CMTM4: variants seen among roughly 807,000 people sequenced by gnomAD.
CMTM4 encodes CKLF-like MARVEL transmembrane domain-containing protein 4.
A neutral mutation model predicts 19.0 loss-of-function variants in CMTM4; 8 were observed. The observed-to-expected ratio is 0.42, with a 90% CI of 0.25 to 0.76. CMTM4 has a LOEUF of 0.76. Among genes scored for constraint, CMTM4 ranks in the 30% least tolerant of loss-of-function variants. The pLI is 0.27. For missense variants in CMTM4, 228 were observed against 290.2 expected, an observed-to-expected ratio of 0.79 and a Z score of 1.56; for synonymous variants, 106 against 121.1, an observed-to-expected ratio of 0.88 and a Z score of 0.82.
Position 66,618,607 on chromosome 16 carries a change from G to A in CMTM4, c.*3451C>T. On this transcript the variant is annotated 3_prime_UTR_variant, in exon 4 of 4. Transcript: ENST00000394106. ...CATGGCACCCACTAGGGTTGTTCAG[G>A]TCTCATTCACTGCAAGCAAGAATTC... 1 of 985,484 alleles carries A rather than the reference G, an allele frequency of 1.0e-6. No homozygotes were observed. The highest frequency in any genetic ancestry group is 1.2e-6 in the Non-Finnish European group (1 of 829,952). 61.0% of individuals were successfully genotyped at this position (985,484 alleles called of 1,614,324 possible).
rs1423778897 is a variant in CMTM4, at chr16:66,621,640, G to A, written c.*418C>T. On this transcript the variant is annotated 3_prime_UTR_variant, in exon 4 of 4. Coordinates refer to ENST00000394106, the MANE Select transcript of CMTM4 (RefSeq NM_181521.3). ...CAGACTCAACACTGACTTGGAGCAG[G>A]TGGTGCCTAAGGCTGCCTGAGAACC... 5.0e-6 allele frequency: 5 copies of A among 1,005,578 alleles called. No homozygotes were observed. Among genetic ancestry groups the A allele is most frequent in the Non-Finnish European group, 3.6e-6 (3 of 840,734 alleles). The allele number at this position is 1,005,578 out of a possible 1,614,324, so 62.3% of individuals were successfully genotyped here.
intron 2 of CMTM4, among the ~76,000 whole-genome samples, chr16:66,626,687 G>A (rs910685682): frequency 3.3e-5 from 5 of 151,058 alleles, no homozygotes; most frequent in African/African-American, 7.3e-5. Flanking sequence ...GAAGAACTGC[G>A]TGAATCCAGG....
At chr16:66,687,170 A>G (rs1230423662) in intron 1 of CMTM4, among the ~76,000 whole-genome samples, 3 of 140,984 alleles carry the variant, frequency 2.1e-5, no homozygotes, top group Non-Finnish European at 4.6e-5. Context: ...AGAAAAGTGC[A>G]TTTTAAAACA....
At chr16:66,674,311 G>A (rs549011831) in intron 1 of CMTM4, among the ~76,000 whole-genome samples, 28 of 152,254 alleles carry the variant, frequency 1.8e-4, no homozygotes, top group African/African-American at 6.7e-4. Context: ...TGGCTTACTA[G>A]TGAGTCCTGC....
the CMTM4 span, chr16:66,608,478 C>G: frequency 6.2e-7 from 1 of 1,612,816 alleles, no homozygotes; most frequent in East Asian, 2.2e-5. The surrounding 1 kb of genome is among the most constrained non-coding windows in gnomAD (Gnocchi z 5.1). Flanking sequence ...AGGACAGGGG[C>G]CCCAGGAGGG....
At chr16:66,628,590 T>C (rs1567406015) in intron 2 of CMTM4, among the ~76,000 whole-genome samples, 1 of 152,200 alleles carries the variant, frequency 6.6e-6, no homozygotes, top group African/African-American at 2.4e-5. Context: ...GAGCTCAAGG[T>C]TGGGGCAAAG....
chr16:66,617,876 A>G lies in CMTM4; in HGVS notation c.*4182T>C. 1.0e-6 allele frequency: 1 copy of G among 988,750 alleles called. No individual in the cohort carries two copies. The highest frequency in any genetic ancestry group is 1.2e-6 in the Non-Finnish European group (1 of 832,258). The allele number at this position is 988,750 out of a possible 1,614,324, so 61.2% of individuals were successfully genotyped here. On this transcript the variant is annotated 3_prime_UTR_variant, in exon 4 of 4. Transcript: ENST00000394106. ...CCCCAGCATCCCACTCTTGCCCTCA[A>G]GCTGACTGTGGAACGCGAGACAGCT...
At chr16:66,691,779 C>A (rs1336244745) in intron 1 of CMTM4, among the ~76,000 whole-genome samples, 2 of 152,130 alleles carry the variant, frequency 1.3e-5, no homozygotes, top group Non-Finnish European at 2.9e-5. Flanking sequence ...CTTTAGTATC[C>A]AATCACATTC....
intron 2 of CMTM4, among the ~76,000 whole-genome samples, chr16:66,627,409 C>A (rs942000440): frequency 2.6e-5 from 4 of 152,212 alleles, no homozygotes; most frequent in Admixed American, 6.5e-5. Flanking sequence ...GGTTACCCTT[C>A]ATTGGGTCAT....
chr16:66,683,194 C>CAT (rs71378405), intron 1 of CMTM4, among the ~76,000 whole-genome samples: 46,758 of 107,242 alleles, frequency 0.44, 10,531 homozygotes, highest in Middle Eastern at 0.59. Flanking sequence ...TATATATATA[C>CAT]ATATATATAT....
chr16:66,687,682 A>ATATT (rs1567434313), intron 1 of CMTM4, among the ~76,000 whole-genome samples: 17 of 93,302 alleles, frequency 1.8e-4, no homozygotes, highest in South Asian at 3.5e-4. Context: ...AAAAAGGGTA[A>ATATT]TTTTTTTTTT....
intron 1 of CMTM4, among the ~76,000 whole-genome samples, chr16:66,683,177 ATATG>A (rs1280939368): frequency 2.6e-4 from 17 of 66,266 alleles, no homozygotes; most frequent in African/African-American, 6.9e-4. Context: ...ATATATATAC[ATATG>A]TATATATATA....
In CMTM4 at chr16:66,619,631, T is replaced by G; in HGVS notation, c.*2427A>C. On this transcript the variant is annotated 3_prime_UTR_variant, in exon 4 of 4. Coordinates refer to ENST00000394106, the MANE Select transcript of CMTM4 (RefSeq NM_181521.3). ...AAATATAGGCGTCTTCATATTCACC[T>G]TGGATAACCCTATTCCCTCCAGAAC... The G allele has an allele frequency of 1.3e-5, 13 of 985,346 alleles. No homozygotes were observed. Among genetic ancestry groups the G allele is most frequent in the Non-Finnish European group, 1.6e-5 (13 of 829,912 alleles). The allele number at this position is 985,346 out of a possible 1,614,324, so 61.0% of individuals were successfully genotyped here.
chr16:66,676,827 A>C (rs1196489990), intron 1 of CMTM4, among the ~76,000 whole-genome samples: 1 of 152,246 alleles, frequency 6.6e-6, no homozygotes, highest in Non-Finnish European at 1.5e-5. Context: ...AGATGTTTAT[A>C]AACTTACTAC....
At chr16:66,681,693 A>T (rs2016918895) in intron 1 of CMTM4, among the ~76,000 whole-genome samples, 1 of 152,174 alleles carries the variant, frequency 6.6e-6, no homozygotes, top group African/African-American at 2.4e-5. Context: ...CTCAATAGCC[A>T]CAGTTATAAC....
At chr16:66,655,260 T>G (rs887321646) in intron 1 of CMTM4, among the ~76,000 whole-genome samples, 2 of 152,316 alleles carry the variant, frequency 1.3e-5, no homozygotes, top group South Asian at 4.1e-4. Flanking sequence ...CGTGAGGTAC[T>G]GCGCCCAGCT....
At chr16:66,635,450 G>A (rs1400414324) in intron 2 of CMTM4, among the ~76,000 whole-genome samples, 1 of 152,180 alleles carries the variant, frequency 6.6e-6, no homozygotes, top group Non-Finnish European at 1.5e-5. Flanking sequence ...CACACCAGGA[G>A]AGCAGCCCTG....
At chr16:66,647,323 CAAAAA>C (rs58483961) in intron 1 of CMTM4, among the ~76,000 whole-genome samples, 1 of 62,494 alleles carries the variant, frequency 1.6e-5, no homozygotes. Context: ...GACTCTGTCT[CAAAAA>C]AAAAAAAAAA....
chr16:66,694,257 T>G (rs548182873), intron 1 of CMTM4, among the ~76,000 whole-genome samples: 1 of 152,324 alleles, frequency 6.6e-6, no homozygotes, highest in South Asian at 2.1e-4. Context: ...ATTCTTTTAC[T>G]AGATCCTTTT....
Sources: allele counts gnomAD v4.1 joint callset (sites outside exome capture counted in the v4.1 genomes callset), GRCh38; gene constraint gnomAD v4.1.1; non-coding constraint Gnocchi (gnomAD v3.1); transcripts MANE v1.5; gene names NCBI Gene and HGNC (gene_info 2026-07-23, HGNC 2026-07-21).